The following GHR variants were observed in gnomAD, a reference collection of about 807,000 sequenced individuals.
GHR encodes the protein GH receptor.
In GHR, 35 loss-of-function variants were observed where a neutral mutation model predicts 67.1. The ratio of observed to expected loss-of-function variants is 0.52; its 90% CI spans 0.40 to 0.69. GHR has a LOEUF of 0.69. Ranked by LOEUF, GHR falls within the 30% of genes least tolerant of loss-of-function variation. GHR has a pLI of 0.00. For missense variants in GHR, 792 were observed against 764.6 expected, an observed-to-expected ratio of 1.04 and a Z score of -0.42; for synonymous variants, 272 against 269.1, an observed-to-expected ratio of 1.01 and a Z score of -0.10.
Position 42,721,687 on chromosome 5 carries a change from G to C in GHR, c.*2263G>C, listed in dbSNP as rs1759029813. Reference sequence around the variant, plus strand: ...TAGCTAAATACCTCAATCAGTCTCAGAATGTCATTTTGGTACTTTGGTGGC... The same window carrying C: ...TAGCTAAATACCTCAATCAGTCTCACAATGTCATTTTGGTACTTTGGTGGC... On this transcript the variant is annotated 3_prime_UTR_variant, in exon 10 of 10. Coordinates refer to ENST00000230882, the MANE Select transcript of GHR (RefSeq NM_000163.5). 1 of 152,628 alleles carries C rather than the reference G, an allele frequency of 6.6e-6. No homozygotes were observed. Among genetic ancestry groups the C allele is most frequent in the Admixed American group, 6.5e-5 (1 of 15,284 alleles). The allele number at this position is 152,628 out of a possible 1,614,324, so 9.5% of individuals were successfully genotyped here. A position where few individuals can be genotyped will look rare whatever the true frequency, so the allele number is the denominator to read the frequency against.
At chr5:42,687,952 G>A (rs953997397) in intron 3 of GHR, among the ~76,000 whole-genome samples, 1 of 152,188 alleles carries the variant, frequency 6.6e-6, no homozygotes, top group African/African-American at 2.4e-5. Flanking sequence ...ATACCTGTCT[G>A]TTGCACATCT....
At chr5:42,622,986 TA>T (rs1472653794) in intron 2 of GHR, among the ~76,000 whole-genome samples, 1 of 152,128 alleles carries the variant, frequency 6.6e-6, no homozygotes, top group Non-Finnish European at 1.5e-5. Flanking sequence ...AGCAAAACCC[TA>T]AGTGCACAAA....
chr5:42,700,087 C>T, intron 6 of GHR, 85 bp downstream of exon 6: 1 of 792,542 alleles, frequency 1.3e-6, no homozygotes, highest in Admixed American at 2.0e-5. Flanking sequence ...TTTCCTTTGA[C>T]CTAATACCAC....
In GHR at chr5:42,474,630, A is replaced by C. The variant is rs190399880; in HGVS notation, c.-12+50675A>C. Among the ~76,000 whole-genome samples the C allele has an allele frequency of 4.2e-3, 646 of 152,290 alleles. 5 individuals are homozygous for C. The highest frequency in any genetic ancestry group is 0.015 in the Admixed American group (236 of 15,298). ...ACTGTTTGAACAACAACAACAACAAAAAAAGGCAGGGAACTTAAGAGAGAA... is the reference window on the plus strand; with the variant it reads ...ACTGTTTGAACAACAACAACAACAACAAAAGGCAGGGAACTTAAGAGAGAA... On this transcript the variant is annotated intron_variant, in intron 1 of 9. Transcript: ENST00000230882.
intron 3 of GHR, among the ~76,000 whole-genome samples, chr5:42,682,674 C>G (rs1756948288): frequency 6.6e-6 from 1 of 152,294 alleles, no homozygotes; most frequent in African/African-American, 2.4e-5. Flanking sequence ...GAGGAGTCAC[C>G]CACTTTCTCA....
chr5:42,628,493 T>A (rs1753812601), intron 2 of GHR, among the ~76,000 whole-genome samples: 1 of 131,190 alleles, frequency 7.6e-6, no homozygotes, highest in African/African-American at 3.2e-5. Context: ...CATAAATCAG[T>A]ACATGGAAGG....
chr5:42,718,773 T>C lies in GHR; in HGVS notation c.1266T>C (p.Asp422=), dbSNP rs1469358000. 2.5e-6 allele frequency: 4 copies of C among 1,614,082 alleles called. No homozygotes were observed. The highest frequency in any genetic ancestry group is 3.4e-6 in the Non-Finnish European group (4 of 1,179,986). Residue 422 remains aspartate (D), a synonymous_variant, in exon 10 of 10, where the codon GAT becomes GAC. Coordinates refer to ENST00000230882, the MANE Select transcript of GHR (RefSeq NM_000163.5). ...AQPQRLKGEA[D]LLCLDQKNQN... ...CACAGAGGTTAAAAGGGGAAGCAGA[T>C]CTCTTATGCCTTGACCAGAAGAATC...
intron 1 of GHR, among the ~76,000 whole-genome samples, chr5:42,436,197 A>G (rs954583608): frequency 7.2e-5 from 11 of 152,220 alleles, no homozygotes; most frequent in African/African-American, 2.7e-4. Flanking sequence ...TGAGGAAATG[A>G]GACCAAGGGA....
At chr5:42,481,256 A>C (rs1218784917) in intron 1 of GHR, among the ~76,000 whole-genome samples, 1 of 152,194 alleles carries the variant, frequency 6.6e-6, no homozygotes, top group Non-Finnish European at 1.5e-5. Context: ...CCGAGAGATT[A>C]GCTTTTAGTC....
At chr5:42,546,870 G>C (rs948388157) in intron 1 of GHR, among the ~76,000 whole-genome samples, 1 of 152,108 alleles carries the variant, frequency 6.6e-6, no homozygotes, top group East Asian at 1.9e-4. Flanking sequence ...GGACTCAAAA[G>C]ATACAGAAGA....
At chr5:42,599,657 G>A (rs1407551749) in intron 2 of GHR, among the ~76,000 whole-genome samples, 6 of 151,906 alleles carry the variant, frequency 3.9e-5, no homozygotes, top group Admixed American at 1.3e-4. Context: ...GAGCCACCAC[G>A]CCTGGCCCAC....
chr5:42,599,602 A>ACC lies in GHR; in HGVS notation c.71-29430_71-29429dup, dbSNP rs368538440. On this transcript the variant is annotated intron_variant, in intron 2 of 9. Coordinates refer to ENST00000230882, the MANE Select transcript of GHR (RefSeq NM_000163.5). ...TCTTGAACTCCTGACCTCGTGATCCACCCCCCCGCCTCTTGGCCTCCCAAA... is the reference window on the plus strand; with the variant it reads ...TCTTGAACTCCTGACCTCGTGATCCACCCCCCCCCGCCTCTTGGCCTCCCAAA... 3.4e-3 allele frequency among the ~76,000 whole-genome samples: 511 copies of ACC among 149,394 alleles called. 2 individuals carry two copies. Among genetic ancestry groups the ACC allele is most frequent in the African/African-American group, 0.012 (502 of 40,546 alleles).
chr5:42,512,291 A>G (rs1298003936), intron 1 of GHR, among the ~76,000 whole-genome samples: 1 of 152,140 alleles, frequency 6.6e-6, no homozygotes, highest in African/African-American at 2.4e-5. Flanking sequence ...AGGAATCCAC[A>G]TATTCAAAGA....
chr5:42,622,582 G>C (rs1207418760), intron 2 of GHR, among the ~76,000 whole-genome samples: 3 of 152,072 alleles, frequency 2.0e-5, no homozygotes, highest in Non-Finnish European at 2.9e-5. Flanking sequence ...CCCTAGACTT[G>C]GTATATTTAA....
intron 1 of GHR, among the ~76,000 whole-genome samples, chr5:42,517,452 A>T (rs1747288131): frequency 6.6e-6 from 1 of 152,228 alleles, no homozygotes. Flanking sequence ...TGAAGGAATG[A>T]GTACAGTATG....
chr5:42,535,370 A>G (rs1255090319), intron 1 of GHR, among the ~76,000 whole-genome samples: 1 of 152,094 alleles, frequency 6.6e-6, no homozygotes, highest in Non-Finnish European at 1.5e-5. Context: ...TTATTCTCGT[A>G]TATGTGACTA....
intron 1 of GHR, among the ~76,000 whole-genome samples, chr5:42,555,256 G>A (rs187509953): frequency 1.5e-4 from 23 of 152,278 alleles, no homozygotes; most frequent in East Asian, 1.3e-3. Flanking sequence ...AAGGCATAGC[G>A]ATAAATATTA....
chr5:42,619,128 C>G (rs1247672157), intron 2 of GHR, among the ~76,000 whole-genome samples: 1 of 152,078 alleles, frequency 6.6e-6, no homozygotes, highest in Non-Finnish European at 1.5e-5. Flanking sequence ...TAAAGGATTG[C>G]AGTGGAAAAG....
At chr5:42,694,560 C>G (rs946224868) in intron 4 of GHR, among the ~76,000 whole-genome samples, 1 of 152,156 alleles carries the variant, frequency 6.6e-6, no homozygotes, top group Non-Finnish European at 1.5e-5. Context: ...GGGTGATTCT[C>G]TGTACTGTTT....
Sources: allele counts gnomAD v4.1 joint callset (sites outside exome capture counted in the v4.1 genomes callset), GRCh38; gene constraint gnomAD v4.1.1; transcripts MANE v1.5; gene names NCBI Gene and HGNC (gene_info 2026-07-23, HGNC 2026-07-21).